PGM2: variants seen among roughly 807,000 people sequenced by gnomAD.
PGM2 encodes the protein phosphoglucomutase 2.
In PGM2, 57 loss-of-function variants were observed where a neutral mutation model predicts 74.6. That is an observed-to-expected ratio of 0.76 (90% CI 0.62 to 0.95). The LOEUF is 0.95. PGM2 is among the 40% of genes least tolerant of loss of function. PGM2 has a pLI of 0.00. For synonymous variants in PGM2, 273 were observed against 260.7 expected (o/e 1.05, Z -0.46); for missense variants, 706 against 741.9 (o/e 0.95, Z 0.56).
At chr4:37,831,668 G>GGA (rs138519060) in intron 2 of PGM2, among the ~76,000 whole-genome samples, 1 of 152,076 alleles carries the variant, frequency 6.6e-6, no homozygotes, top group East Asian at 1.9e-4. Flanking sequence ...ATCCAGAGAG[G>GGA]GAGAGAGAGA....
chr4:37,861,418 A>G (rs1560423572), intron 13 of PGM2, 92 bp from the exon 14 acceptor site: 5 of 760,454 alleles, frequency 6.6e-6, no homozygotes, highest in Non-Finnish European at 9.0e-6. Flanking sequence ...TTAAGGTTAT[A>G]TTTTCATTGT....
At chr4:37,827,779 C>T (rs1214631525) in intron 1 of PGM2, among the ~76,000 whole-genome samples, 1 of 152,002 alleles carries the variant, frequency 6.6e-6, no homozygotes, top group African/African-American at 2.4e-5. Flanking sequence ...GGCGAGAGAC[C>T]CCTGCAGTCT....
intron 1 of PGM2, among the ~76,000 whole-genome samples, chr4:37,829,493 G>GA (rs1394708542): frequency 1.3e-5 from 2 of 151,980 alleles, no homozygotes; most frequent in East Asian, 1.9e-4. Flanking sequence ...GGGCATTAGG[G>GA]AAAAAAATGG....
intron 3 of PGM2, among the ~76,000 whole-genome samples, chr4:37,836,488 G>A (rs1271744561): frequency 1.3e-5 from 2 of 152,334 alleles, no homozygotes; most frequent in East Asian, 3.9e-4. Flanking sequence ...AACGTAAGCA[G>A]TAACTGTTAA....
intron 6 of PGM2, among the ~76,000 whole-genome samples, chr4:37,841,084 A>ATATATATATATATATATG (rs1490212320): frequency 8.5e-6 from 1 of 117,558 alleles, no homozygotes; most frequent in East Asian, 2.4e-4. Context: ...ATATATATAT[A>ATATATATATATATATATG]TATATATATA....
At chr4:37,848,420 C>T (rs1296102386) in intron 10 of PGM2, 102 bp from the exon 11 acceptor site, 19 of 1,017,408 alleles carry the variant, frequency 1.9e-5, no homozygotes, top group Middle Eastern at 2.2e-4. Context: ...TGTGCATACA[C>T]GCAACACTGT....
chr4:37,853,686 C>T (rs1044946820), intron 12 of PGM2, among the ~76,000 whole-genome samples: 1 of 152,050 alleles, frequency 6.6e-6, no homozygotes, highest in African/African-American at 2.4e-5. Context: ...TTTAATGAGA[C>T]CTTAATCACC....
intron 13 of PGM2, among the ~76,000 whole-genome samples, chr4:37,859,212 C>T (rs1194147718): frequency 1.3e-5 from 2 of 152,176 alleles, no homozygotes; most frequent in African/African-American, 4.8e-5. Flanking sequence ...CATGACACAT[C>T]ATAAGACTTC....
Position 37,834,601 on chromosome 4 carries a change from C to G in PGM2, c.250-17C>G. On this transcript the variant is annotated splice_polypyrimidine_tract_variant and intron_variant, in intron 2 of 13. Transcript: ENST00000381967. ...ATATGTTAAAACATACTTTTTAAAT[C>G]TATGGTGTATTTGTAGGGATTTTGC... 1.7e-6 allele frequency: 2 copies of G among 1,183,512 alleles called. No homozygotes were observed. Among genetic ancestry groups the G allele is most frequent in the East Asian group, 2.4e-5 (1 of 42,352 alleles). The allele number at this position is 1,183,512 out of a possible 1,614,324, so 73.3% of individuals were successfully genotyped here. A position where few individuals can be genotyped will look rare whatever the true frequency, so the allele number is the denominator to read the frequency against.
chr4:37,861,121 T>G (rs765169663), intron 13 of PGM2, among the ~76,000 whole-genome samples: 5 of 152,088 alleles, frequency 3.3e-5, no homozygotes, highest in African/African-American at 4.8e-5. Context: ...AACAGAGATG[T>G]TGTTTATAAA....
chr4:37,854,151 C>T (rs1201825434), intron 12 of PGM2, among the ~76,000 whole-genome samples: 2 of 152,098 alleles, frequency 1.3e-5, no homozygotes, highest in Non-Finnish European at 1.5e-5. Flanking sequence ...CTTGTGCGAT[C>T]GGTTGGCAGC....
intron 2 of PGM2, among the ~76,000 whole-genome samples, chr4:37,833,329 G>A (rs1314898565): frequency 1.3e-5 from 2 of 152,230 alleles, no homozygotes; most frequent in African/African-American, 4.8e-5. Flanking sequence ...GCCAAGGCAG[G>A]AGGATTGCTT....
At chr4:37,837,026 A>G (rs532490404) in intron 3 of PGM2, among the ~76,000 whole-genome samples, 17 of 152,366 alleles carry the variant, frequency 1.1e-4, no homozygotes, top group Admixed American at 3.9e-4. Context: ...GTGACTGCAC[A>G]GTGGCTGGAT....
In PGM2 at chr4:37,847,610, G is replaced by A. The variant is rs547597259; in HGVS notation, c.1282+315G>A. 140 of 328,452 alleles carry A rather than the reference G, an allele frequency of 4.3e-4. 1 individual carries two copies. The highest frequency in any genetic ancestry group is 3.8e-3 in the South Asian group (136 of 36,078). 20.3% of individuals were successfully genotyped at this position (328,452 alleles called of 1,614,324 possible). A position where few individuals can be genotyped will look rare whatever the true frequency, so the allele number is the denominator to read the frequency against. ...CCTCCACTGTGGTGGTTAATATCCAGGCCTAAACACTGTGGTATTTAATGT... is the reference window on the plus strand; with the variant it reads ...CCTCCACTGTGGTGGTTAATATCCAAGCCTAAACACTGTGGTATTTAATGT... On this transcript the variant is annotated intron_variant, in intron 10 of 13. Coordinates refer to ENST00000381967, the MANE Select transcript of PGM2 (RefSeq NM_018290.4).
intron 3 of PGM2, among the ~76,000 whole-genome samples, chr4:37,836,862 GGTGT>G (rs57338198): frequency 6.6e-6 from 1 of 150,414 alleles, no homozygotes; most frequent in African/African-American, 2.4e-5. Flanking sequence ...TATGTGTATG[GGTGT>G]GTGTGTGTGT....
In PGM2 at chr4:37,839,879, C is replaced by CT. The variant is rs746375197; in HGVS notation, c.474dup (p.Gly159TrpfsTer14). On this transcript the variant is annotated frameshift_variant, in exon 5 of 14. Coordinates refer to ENST00000381967, the MANE Select transcript of PGM2 (RefSeq NM_018290.4). LOFTEE classifies it high-confidence loss of function. ...ACAGTATCACATTTGAAACTTTGTG[C>CT]TGGAATCATGATAACTGCATCTCAC... 15 of 1,606,156 alleles carry CT rather than the reference C, an allele frequency of 9.3e-6. No individual in the cohort carries two copies. Among genetic ancestry groups the CT allele is most frequent in the Non-Finnish European group, 1.3e-5 (15 of 1,172,906 alleles).
chr4:37,826,860 C>A, intron 1 of PGM2, 47 bp downstream of exon 1: 1 of 1,222,144 alleles, frequency 8.2e-7, no homozygotes, highest in Non-Finnish European at 1.2e-6. Context: ...GGGCCGGGTG[C>A]TCTGCCCTCT....
At chr4:37,847,898 T>C (rs776888954) in intron 10 of PGM2, among the ~76,000 whole-genome samples, 11 of 152,266 alleles carry the variant, frequency 7.2e-5, no homozygotes, top group Non-Finnish European at 1.3e-4. Context: ...ATGCATTAGA[T>C]TTATTTATAT....
chr4:37,856,176 G>C (rs1182393640), intron 13 of PGM2, among the ~76,000 whole-genome samples: 4 of 152,036 alleles, frequency 2.6e-5, no homozygotes, highest in Admixed American at 1.3e-4. Flanking sequence ...ACGAGGTCAG[G>C]AGATTGAGAC....
Sources: allele counts gnomAD v4.1 joint callset (sites outside exome capture counted in the v4.1 genomes callset), GRCh38; gene constraint gnomAD v4.1.1; transcripts MANE v1.5; gene names NCBI Gene and HGNC (gene_info 2026-07-23, HGNC 2026-07-21).